LNX1: variants seen among roughly 807,000 people sequenced by gnomAD.
LNX1 encodes ligand of numb-protein X 1.
Under a neutral mutation model 68.4 loss-of-function variants are expected in LNX1, and 54 were observed. The ratio of observed to expected loss-of-function variants is 0.79; its 90% CI spans 0.63 to 0.99. LNX1 has a LOEUF of 0.99. Ranked by LOEUF, LNX1 falls within the 50% of genes least tolerant of loss-of-function variation. The pLI, the probability that LNX1 is intolerant of heterozygous loss-of-function variation, is 0.00. For synonymous variants in LNX1, 336 were observed against 350.0 expected, an observed-to-expected ratio of 0.96 and a Z score of 0.45; for missense variants, 906 against 926.4, an observed-to-expected ratio of 0.98 and a Z score of 0.29.
chr4:53,469,105 G>A (rs1206697227), intron 9 of LNX1, among the ~76,000 whole-genome samples: 1 of 152,112 alleles, frequency 6.6e-6, no homozygotes, highest in Admixed American at 6.5e-5. Context: ...GCACTCCTCA[G>A]CAAATGTAAA....
At chr4:53,535,466 C>T (rs1728306118) in intron 2 of LNX1, among the ~76,000 whole-genome samples, 1 of 152,198 alleles carries the variant, frequency 6.6e-6, no homozygotes, top group African/African-American at 2.4e-5. Flanking sequence ...CATGACAAAT[C>T]AATCTAACAA....
At chr4:53,461,402 A>G (rs761869183) in intron 10 of LNX1, 33 bp downstream of exon 10, 5 of 1,526,576 alleles carry the variant, frequency 3.3e-6, no homozygotes, top group Non-Finnish European at 4.5e-6. Flanking sequence ...ACAACATTTA[A>G]TACAAGTATT....
intron 1 of LNX1, among the ~76,000 whole-genome samples, chr4:53,646,939 T>C (rs2668550): frequency 0.85 from 129,611 of 152,252 alleles, 55,653 homozygotes; most frequent in African/African-American, 0.97. Context: ...AATGAACCTG[T>C]GTGTTTAGAA....
At chr4:53,558,052 G>C in intron 2 of LNX1, 1 of 1,575,624 alleles carries the variant, frequency 6.3e-7, no homozygotes, top group Non-Finnish European at 8.6e-7. Flanking sequence ...AGCAAACCTT[G>C]CCATGCCCCC....
At chr4:53,551,219 C>A (rs961060016) in intron 2 of LNX1, among the ~76,000 whole-genome samples, 2 of 152,120 alleles carry the variant, frequency 1.3e-5, no homozygotes, top group African/African-American at 4.8e-5. Context: ...CTCCCCGAGG[C>A]CTCATCCTTC....
Position 53,573,502 on chromosome 4 carries a change from T to A in LNX1, c.380+121A>T, listed in dbSNP as rs972769863. The stretch of plus-strand genomic sequence containing the variant: ...TGAATCATGACCATAAACACCTAGC[T>A]GTTTTTTTATTTTGAATGGATCATT... On this transcript the variant is annotated intron_variant, in intron 2 of 10. Coordinates refer to ENST00000263925, the MANE Select transcript of LNX1 (RefSeq NM_001126328.3). The A allele has an allele frequency of 5.1e-5, 33 of 648,598 alleles. No individual in the cohort carries two copies. In the East Asian group the frequency reaches 9.0e-4, roughly 18 times the overall value. 40.2% of individuals were successfully genotyped at this position (648,598 alleles called of 1,614,324 possible). A position where few individuals can be genotyped will look rare whatever the true frequency, so the allele number is the denominator to read the frequency against.
At chr4:53,627,193 T>A (rs1734108652) in intron 1 of LNX1, among the ~76,000 whole-genome samples, 1 of 152,218 alleles carries the variant, frequency 6.6e-6, no homozygotes, top group Admixed American at 6.5e-5. Context: ...CGTAGCTGGC[T>A]TAATGAGTCT....
At chr4:53,571,131 T>C (rs979379708) in intron 2 of LNX1, among the ~76,000 whole-genome samples, 1 of 151,926 alleles carries the variant, frequency 6.6e-6, no homozygotes, top group Non-Finnish European at 1.5e-5. Context: ...GTGATTCTCA[T>C]GCCTCAGCCT....
In LNX1 at chr4:53,471,422, T is replaced by C. The variant is rs545439628; in HGVS notation, c.1892+5331A>G. ...AACCTAGGCATTACCATTCAGGACA[T>C]AGGCATGGACAAGGACTTCATGTCT... On this transcript the variant is annotated intron_variant, in intron 9 of 10. Transcript: ENST00000263925. Among the ~76,000 whole-genome samples the C allele has an allele frequency of 6.9e-4, 105 of 152,244 alleles. 1 individual carries two copies. Among genetic ancestry groups the C allele is most frequent in the African/African-American group, 2.3e-3 (97 of 41,534 alleles).
At chr4:53,568,586 C>CAAGACAGGGGGGCAT (rs1730889630) in intron 2 of LNX1, among the ~76,000 whole-genome samples, 3 of 151,358 alleles carry the variant, frequency 2.0e-5, no homozygotes, top group Admixed American at 1.3e-4. Context: ...AAAACGGGCA[C>CAAGACAGGGGGGCAT]AAGACAGGGG....
At chr4:53,632,490 C>T (rs1238281917) in intron 1 of LNX1, among the ~76,000 whole-genome samples, 2 of 152,184 alleles carry the variant, frequency 1.3e-5, no homozygotes, top group Non-Finnish European at 2.9e-5. Flanking sequence ...AGACAATGAT[C>T]GACTGACTAG....
upstream of LNX1, among the ~76,000 whole-genome samples, chr4:53,619,443 T>C (rs1291127498): frequency 6.6e-6 from 1 of 152,216 alleles, no homozygotes; most frequent in Non-Finnish European, 1.5e-5. Flanking sequence ...AATGGAATCA[T>C]GCAATATGTG....
chr4:53,633,372 C>G (rs1734347995), intron 1 of LNX1, among the ~76,000 whole-genome samples: 1 of 152,170 alleles, frequency 6.6e-6, no homozygotes, highest in Non-Finnish European at 1.5e-5. Flanking sequence ...TTTCTCTTCT[C>G]CTTTTTATAT....
At chr4:53,462,082 CA>C (rs1466716072) in intron 9 of LNX1, among the ~76,000 whole-genome samples, 1 of 151,930 alleles carries the variant, frequency 6.6e-6, no homozygotes, top group African/African-American at 2.4e-5. Flanking sequence ...GGAAAAATAC[CA>C]CTTTACACCC....
At chr4:53,583,422 G>A (rs1001068365) in intron 1 of LNX1, among the ~76,000 whole-genome samples, 4 of 152,118 alleles carry the variant, frequency 2.6e-5, no homozygotes, top group East Asian at 1.9e-4. Flanking sequence ...ACAGGCTGCC[G>A]CCAAGGTCGT....
At chr4:53,568,608 G>GGGGGGCACAAGACAA (rs1730895030) in intron 2 of LNX1, among the ~76,000 whole-genome samples, 1 of 151,606 alleles carries the variant, frequency 6.6e-6, no homozygotes, top group African/African-American at 2.4e-5. Context: ...GCACAAGACA[G>GGGGGGCACAAGACAA]GGATGCCCTC....
Position 53,496,289 on chromosome 4 carries a change from G to C in LNX1, c.1084C>G (p.Arg362Gly). Residue 362 changes from arginine to glycine, a missense_variant, in exon 6 of 11, where the codon CGC becomes GGC. Coordinates refer to ENST00000263925, the MANE Select transcript of LNX1 (RefSeq NM_001126328.3). ...WLTVMREQKF[R>G]SRNNGQAPDA... ...GGGGCCTGTCCATTGTTCCTGCTGC[G>C]GAACTTCTGTTCACGCATCACAGTC... 1 of 1,614,108 alleles carries C rather than the reference G, an allele frequency of 6.2e-7. No homozygotes were observed. The highest frequency in any genetic ancestry group is 1.7e-5 in the Admixed American group (1 of 60,014).
At chr4:53,514,747 G>A (rs1387767500) in intron 2 of LNX1, among the ~76,000 whole-genome samples, 3 of 152,062 alleles carry the variant, frequency 2.0e-5, no homozygotes, top group Non-Finnish European at 4.4e-5. Flanking sequence ...TTCTGCCCAG[G>A]GAAAGTACCC....
chr4:53,468,409 C>T (rs1272414354), intron 9 of LNX1, among the ~76,000 whole-genome samples: 7 of 152,158 alleles, frequency 4.6e-5, no homozygotes, highest in African/African-American at 1.2e-4. Flanking sequence ...TAAAGACCAT[C>T]GAGGCTAAGA....
Sources: allele counts gnomAD v4.1 joint callset (sites outside exome capture counted in the v4.1 genomes callset), GRCh38; gene constraint gnomAD v4.1.1; transcripts MANE v1.5; gene names NCBI Gene and HGNC (gene_info 2026-07-23, HGNC 2026-07-21).